The following ATXN7L1 variants were observed in gnomAD, a reference collection of about 807,000 sequenced individuals.
ATXN7L1 encodes the protein ataxin-7-like protein 1.
Under a neutral mutation model 70.8 loss-of-function variants are expected in ATXN7L1, and 15 were observed. The observed-to-expected ratio is 0.21, with a 90% CI of 0.14 to 0.33. ATXN7L1 has a LOEUF of 0.33. Among genes scored for constraint, ATXN7L1 ranks in the 10% least tolerant of loss-of-function variants. The pLI, the probability that ATXN7L1 is intolerant of heterozygous loss-of-function variation, is 1.00. For missense variants in ATXN7L1, 975 were observed against 1,097.1 expected (o/e 0.89, Z 1.57); for synonymous variants, 440 against 445.1 (o/e 0.99, Z 0.14).
chr7:105,679,981 TC>T (rs1034899188), intron 3 of ATXN7L1, among the ~76,000 whole-genome samples: 1 of 151,384 alleles, frequency 6.6e-6, no homozygotes, highest in African/African-American at 2.4e-5. Context: ...TGCTAGGACC[TC>T]TCCTGTGTGG....
chr7:105,699,453 T>C (rs1006504343), intron 3 of ATXN7L1, among the ~76,000 whole-genome samples: 1 of 152,212 alleles, frequency 6.6e-6, no homozygotes, highest in Non-Finnish European at 1.5e-5. Flanking sequence ...TTTTGATTTC[T>C]TAAGTGGTAT....
intron 5 of ATXN7L1, among the ~76,000 whole-genome samples, chr7:105,642,528 C>T (rs1048370437): frequency 6.6e-6 from 1 of 152,226 alleles, no homozygotes; most frequent in Non-Finnish European, 1.5e-5. Context: ...GATACAGATA[C>T]ACAGAATCAC....
intron 3 of ATXN7L1, among the ~76,000 whole-genome samples, chr7:105,697,005 G>A (rs1791800368): frequency 6.6e-6 from 1 of 152,132 alleles, no homozygotes; most frequent in Non-Finnish European, 1.5e-5. Flanking sequence ...AAAAGGGGAG[G>A]GACTGTGCGA....
At chr7:105,797,829 T>C (rs1806217849) in intron 2 of ATXN7L1, among the ~76,000 whole-genome samples, 1 of 152,232 alleles carries the variant, frequency 6.6e-6, no homozygotes, top group African/African-American at 2.4e-5. Context: ...GTGGCTGGTT[T>C]ATGTCTCTGA....
chr7:105,712,968 A>T lies in ATXN7L1; in HGVS notation c.356-47680T>A, dbSNP rs187963949. On this transcript the variant is annotated intron_variant, in intron 3 of 11. Coordinates refer to ENST00000419735, the MANE Select transcript of ATXN7L1 (RefSeq NM_020725.2). ...CTACCTGAGACTGGGTAATTTATGA[A>T]GAAAAGAGGTTTAATTGACTCACAG... Among the ~76,000 whole-genome samples the T allele has an allele frequency of 1.3e-4, 20 of 152,318 alleles. No individual in the cohort carries two copies. The East Asian group carries it at 3.5e-3, about 26-fold the overall frequency.
chr7:105,849,836 C>T (rs554685515), intron 2 of ATXN7L1, among the ~76,000 whole-genome samples: 2 of 152,242 alleles, frequency 1.3e-5, no homozygotes, highest in African/African-American at 4.8e-5. Context: ...AACAGAGTTG[C>T]CCTGATGGGC....
intron 2 of ATXN7L1, among the ~76,000 whole-genome samples, chr7:105,834,818 T>C (rs1812128096): frequency 6.6e-6 from 1 of 152,140 alleles, no homozygotes; most frequent in African/African-American, 2.4e-5. Flanking sequence ...AGAGGTACTC[T>C]TCTTTACAGG....
At chr7:105,786,945 A>G (rs1804392295) in intron 3 of ATXN7L1, among the ~76,000 whole-genome samples, 1 of 152,174 alleles carries the variant, frequency 6.6e-6, no homozygotes, top group African/African-American at 2.4e-5. Flanking sequence ...TTCTCACAAG[A>G]CGCACAGAAG....
intron 2 of ATXN7L1, among the ~76,000 whole-genome samples, chr7:105,822,942 G>T (rs914105898): frequency 2.6e-5 from 4 of 152,158 alleles, no homozygotes; most frequent in African/African-American, 9.7e-5. Flanking sequence ...GTATGCGCAT[G>T]TAATTTATAA....
At chr7:105,835,956 A>G (rs1207332420) in intron 2 of ATXN7L1, among the ~76,000 whole-genome samples, 5 of 152,178 alleles carry the variant, frequency 3.3e-5, no homozygotes, top group Admixed American at 6.5e-5. Flanking sequence ...TTCTGAGGAA[A>G]CCAGCTAAGG....
intron 2 of ATXN7L1, among the ~76,000 whole-genome samples, chr7:105,866,915 C>T (rs1817560915): frequency 6.6e-6 from 1 of 152,204 alleles, no homozygotes; most frequent in South Asian, 2.1e-4. Flanking sequence ...GACAAGGTCT[C>T]ACTGCATTGA....
intron 2 of ATXN7L1, among the ~76,000 whole-genome samples, chr7:105,800,686 G>A (rs1196025206): frequency 6.6e-6 from 1 of 152,220 alleles, no homozygotes; most frequent in Non-Finnish European, 1.5e-5. Context: ...AGTGGAATGA[G>A]CAACAAATTC....
At chr7:105,765,610 T>A (rs1028336749) in intron 3 of ATXN7L1, among the ~76,000 whole-genome samples, 9 of 152,150 alleles carry the variant, frequency 5.9e-5, no homozygotes, top group Non-Finnish European at 1.3e-4. Context: ...TGGGAAAACA[T>A]AAAAGGAAAT....
intron 3 of ATXN7L1, among the ~76,000 whole-genome samples, chr7:105,737,017 T>C (rs1313252529): frequency 6.6e-6 from 1 of 152,238 alleles, no homozygotes; most frequent in Non-Finnish European, 1.5e-5. Context: ...AAAGGATCTA[T>C]CTGGTTTTTG....
intron 9 of ATXN7L1, among the ~76,000 whole-genome samples, chr7:105,618,696 T>C (rs1225699784): frequency 6.6e-6 from 1 of 152,202 alleles, no homozygotes; most frequent in African/African-American, 2.4e-5. Context: ...TTGTCCTTCC[T>C]GGACTGTCTA....
At chr7:105,824,538 T>G (rs1437494645) in intron 2 of ATXN7L1, among the ~76,000 whole-genome samples, 1 of 151,838 alleles carries the variant, frequency 6.6e-6, no homozygotes, top group Admixed American at 6.6e-5. Flanking sequence ...AAAAATATGA[T>G]AGGTGACATA....
chr7:105,762,571 TTTC>T (rs1248837471), intron 3 of ATXN7L1, among the ~76,000 whole-genome samples: 7 of 152,278 alleles, frequency 4.6e-5, no homozygotes, highest in Non-Finnish European at 8.8e-5. Context: ...CCCAATCACC[TTTC>T]TTCAGCCCAA....
At chr7:105,629,762 C>A (rs950840516) in intron 7 of ATXN7L1, among the ~76,000 whole-genome samples, 1 of 151,968 alleles carries the variant, frequency 6.6e-6, no homozygotes, top group African/African-American at 2.4e-5. Context: ...AAGTGAACCA[C>A]CCACCTCAGC....
chr7:105,766,868 C>T (rs1487878771), intron 3 of ATXN7L1, among the ~76,000 whole-genome samples: 1 of 152,232 alleles, frequency 6.6e-6, no homozygotes. Context: ...TCACTTCATC[C>T]CAGTCTAAGG....
Sources: allele counts gnomAD v4.1 joint callset (sites outside exome capture counted in the v4.1 genomes callset), GRCh38; gene constraint gnomAD v4.1.1; transcripts MANE v1.5; gene names NCBI Gene and HGNC (gene_info 2026-07-23, HGNC 2026-07-21).